Variants in PDZD8 observed in about 807,000 individuals in gnomAD.
PDZD8 encodes the protein PDZ domain-containing protein 8.
In PDZD8, 14 loss-of-function variants were observed where a neutral mutation model predicts 85.8. The observed-to-expected ratio is 0.16, with a 90% CI of 0.11 to 0.26. PDZD8 has a LOEUF of 0.26. Among genes scored for constraint, PDZD8 ranks in the 10% least tolerant of loss-of-function variants. PDZD8 has a pLI of 1.00. For synonymous variants in PDZD8, 592 were observed against 568.6 expected, an observed-to-expected ratio of 1.04 and a Z score of -0.59; for missense variants, 1,197 against 1,424.3, an observed-to-expected ratio of 0.84 and a Z score of 2.57.
At chr10:117,370,984 G>A (rs1055446962) in intron 1 of PDZD8, among the ~76,000 whole-genome samples, 3 of 150,374 alleles carry the variant, frequency 2.0e-5, no homozygotes, top group African/African-American at 7.4e-5. Context: ...TCAGAGCTGC[G>A]TTTCAACACT....
intron 1 of PDZD8, among the ~76,000 whole-genome samples, chr10:117,345,530 C>T (rs1844690100): frequency 6.6e-6 from 1 of 152,022 alleles, no homozygotes; most frequent in Non-Finnish European, 1.5e-5. Context: ...TCCAGGCAGT[C>T]AACCTAAAAA....
chr10:117,298,641 T>C (rs531154465), intron 3 of PDZD8, among the ~76,000 whole-genome samples: 3 of 152,138 alleles, frequency 2.0e-5, no homozygotes, highest in East Asian at 3.8e-4. Context: ...TTCTTCCCTC[T>C]TTCTCTCCTC....
chr10:117,369,401 C>G (rs1010091746), intron 1 of PDZD8, among the ~76,000 whole-genome samples: 1 of 152,026 alleles, frequency 6.6e-6, no homozygotes, highest in African/African-American at 2.4e-5. Context: ...TCAAGTGATC[C>G]GCCTGCCTTG....
At chr10:117,335,930 A>G (rs1286346046) in intron 2 of PDZD8, among the ~76,000 whole-genome samples, 1 of 152,220 alleles carries the variant, frequency 6.6e-6, no homozygotes, top group East Asian at 1.9e-4. Context: ...AGGAAGAACC[A>G]AAGCAAGGAA....
chr10:117,354,899 A>T (rs967953370), intron 1 of PDZD8, among the ~76,000 whole-genome samples: 1 of 152,182 alleles, frequency 6.6e-6, no homozygotes, highest in African/African-American at 2.4e-5. Context: ...TCAAATAATG[A>T]GTTCCCCCTG....
intron 2 of PDZD8, among the ~76,000 whole-genome samples, chr10:117,320,092 A>C (rs1844203373): frequency 6.6e-6 from 1 of 152,134 alleles, no homozygotes; most frequent in Non-Finnish European, 1.5e-5. Flanking sequence ...AACCCCTAAA[A>C]TTCTAAGCTC....
chr10:117,331,721 T>C (rs1325495676), intron 2 of PDZD8, among the ~76,000 whole-genome samples: 6 of 152,218 alleles, frequency 3.9e-5, no homozygotes, highest in African/African-American at 1.2e-4. Context: ...GTGTTCCTAC[T>C]TAGTTTTCTT....
chr10:117,372,158 ATAAATAGCACAGATG>A (rs1370627010), intron 1 of PDZD8, among the ~76,000 whole-genome samples: 1 of 152,234 alleles, frequency 6.6e-6, no homozygotes, highest in Non-Finnish European at 1.5e-5. Context: ...GCCATCCAGT[ATAAATAGCACAGATG>A]TGCATACTTC....
chr10:117,369,181 T>C (rs1845144505), intron 1 of PDZD8, among the ~76,000 whole-genome samples: 1 of 151,820 alleles, frequency 6.6e-6, no homozygotes, highest in African/African-American at 2.4e-5. Flanking sequence ...CTTTTTGAGA[T>C]AGAGTCTTGC....
At position 117,375,436 on chromosome 10, in the gene PDZD8, G is replaced by A. The variant is rs1370147064; in HGVS notation, c.-209C>T. The A allele has an allele frequency of 1.2e-5, 3 of 255,392 alleles. No homozygotes were observed. The highest frequency in any genetic ancestry group is 8.2e-5 in the East Asian group (1 of 12,210). The allele number at this position is 255,392 out of a possible 1,614,324, so 15.8% of individuals were successfully genotyped here. A position where few individuals can be genotyped will look rare whatever the true frequency, so the allele number is the denominator to read the frequency against. Reference sequence around the variant, plus strand: ...CCTCCTCAGACGCTCCCGAAGGGCCGGTGTGGCGGCGGCGGCAGCGGGGCC... The same window carrying A: ...CCTCCTCAGACGCTCCCGAAGGGCCAGTGTGGCGGCGGCGGCAGCGGGGCC... On this transcript the variant is annotated 5_prime_UTR_variant, in exon 1 of 5. Coordinates refer to ENST00000334464, the MANE Select transcript of PDZD8 (RefSeq NM_173791.5).
chr10:117,346,454 C>T (rs1844711016), intron 1 of PDZD8, among the ~76,000 whole-genome samples: 1 of 151,802 alleles, frequency 6.6e-6, no homozygotes, highest in Non-Finnish European at 1.5e-5. Context: ...GGGGGTCGGA[C>T]ATGCCAGAGA....
Position 117,375,203 on chromosome 10 carries a change from C to A in PDZD8, c.25G>T (p.Ala9Ser). 1 of 1,548,178 alleles carries A rather than the reference C, an allele frequency of 6.5e-7. No homozygotes were observed. Reference sequence around the variant, plus strand: ...AGGAAGGAACCCAGCACGGCCGACGCCAGGATCATGAGCAGCAGCCCCATC... The same window carrying A: ...AGGAAGGAACCCAGCACGGCCGACGACAGGATCATGAGCAGCAGCCCCATC... MGLLLMIL[A>S]SAVLGSFLTL... is the part of the protein sequence containing the mutation. Residue 9 changes from alanine (A) to serine (S), a missense_variant, in exon 1 of 5, where the codon GCG (alanine) becomes TCG (serine). Ala to Ser is a moderately conservative substitution (Grantham distance 99, BLOSUM62 1). Transcript: ENST00000334464.
At position 117,316,663 on chromosome 10, in the gene PDZD8, C is replaced by T. The variant is rs111390899; in HGVS notation, c.1098+2209G>A. ...CATGATTGTGCCACTGCACTCTAGCCTGGGTGACAGAGCGAGACCCTGTCT... is the reference window on the plus strand; with the variant it reads ...CATGATTGTGCCACTGCACTCTAGCTTGGGTGACAGAGCGAGACCCTGTCT... On this transcript the variant is annotated intron_variant, in intron 3 of 4. Coordinates refer to ENST00000334464, the MANE Select transcript of PDZD8 (RefSeq NM_173791.5). Among the ~76,000 whole-genome samples the T allele has an allele frequency of 3.5e-3, 531 of 152,294 alleles. 3 individuals carry two copies. Among genetic ancestry groups the T allele is most frequent in the African/African-American group, 0.012 (501 of 41,580 alleles).
chr10:117,363,548 A>G (rs1845033177), intron 1 of PDZD8, among the ~76,000 whole-genome samples: 3 of 152,152 alleles, frequency 2.0e-5, no homozygotes, highest in African/African-American at 2.4e-5. Context: ...CACCATTTCT[A>G]AAAAGTAGTT....
At chr10:117,364,479 GCA>G (rs141790393) in intron 1 of PDZD8, among the ~76,000 whole-genome samples, 34,872 of 150,694 alleles carry the variant, frequency 0.23, 4,658 homozygotes, top group East Asian at 0.43. Context: ...AGACACACAC[GCA>G]CACACACACA....
intron 1 of PDZD8, among the ~76,000 whole-genome samples, chr10:117,367,268 G>A (rs1039804929): frequency 1.3e-5 from 2 of 152,144 alleles, no homozygotes; most frequent in East Asian, 1.9e-4. Flanking sequence ...AAAATTAGCC[G>A]GGTGTGGTGG....
In PDZD8 at chr10:117,278,387, GA is replaced by G. The variant is rs1431701068; in HGVS notation, c.*4880del. The G allele has an allele frequency of 2.6e-5, 4 of 152,170 alleles. No individual in the cohort carries two copies. The highest frequency in any genetic ancestry group is 2.6e-4 in the Admixed American group (4 of 15,288). 9.4% of individuals were successfully genotyped at this position (152,170 alleles called of 1,614,324 possible). A position where few individuals can be genotyped will look rare whatever the true frequency, so the allele number is the denominator to read the frequency against. ...AAAATAATAGTGATCAGGCAGAAAA[GA>G]AAAATGGAACATCTAAAAATGTATG... On this transcript the variant is annotated 3_prime_UTR_variant, in exon 5 of 5. Coordinates refer to ENST00000334464, the MANE Select transcript of PDZD8 (RefSeq NM_173791.5).
chr10:117,291,857 T>TAAA (rs55646633), intron 3 of PDZD8, among the ~76,000 whole-genome samples: 1 of 146,978 alleles, frequency 6.8e-6, no homozygotes. Context: ...ACAACTGATT[T>TAAA]AAAAAAAAAA....
chr10:117,338,882 A>C (rs1251844271), intron 2 of PDZD8, among the ~76,000 whole-genome samples: 1 of 152,188 alleles, frequency 6.6e-6, no homozygotes, highest in Non-Finnish European at 1.5e-5. Context: ...GCTAGTGGTT[A>C]AATAGCTACA....
Sources: allele counts gnomAD v4.1 joint callset (sites outside exome capture counted in the v4.1 genomes callset), GRCh38; gene constraint gnomAD v4.1.1; transcripts MANE v1.5; gene names NCBI Gene and HGNC (gene_info 2026-07-23, HGNC 2026-07-21).